Variants in GTF2H5 observed in about 807,000 individuals in gnomAD.
GTF2H5 encodes the protein general transcription factor IIH subunit 5, also known as TFB5 ortholog.
GTF2H5 carries 5 observed loss-of-function variants against 7.1 expected under a neutral mutation model. The ratio of observed to expected loss-of-function variants is 0.71; its 90% confidence interval spans 0.37 to 1.49. The LOEUF (loss-of-function observed/expected upper bound fraction) is 1.49. GTF2H5 is among the 40% of genes most tolerant of loss of function. The pLI is 0.03. For missense variants in GTF2H5, 80 were observed against 83.0 expected (o/e 0.96, Z 0.14); for synonymous variants, 30 against 31.7 (o/e 0.95, Z 0.18).
At chr6:158,182,165 T>G (rs576758699) in intron 2 of GTF2H5, among the ~76,000 whole-genome samples, 2 of 152,244 alleles carry the variant, frequency 1.3e-5, no homozygotes, top group South Asian at 4.1e-4. Context: ...AAATTCTGGG[T>G]TGAAAATTCT....
In GTF2H5 at chr6:158,197,265, A is replaced by G; in HGVS notation, c.*5108A>G. The G allele has an allele frequency of 5.4e-6, 1 of 186,248 alleles. No individual in the cohort carries two copies. Among genetic ancestry groups the G allele is most frequent in the Non-Finnish European group, 1.2e-5 (1 of 80,236 alleles). 11.5% of individuals were successfully genotyped at this position (186,248 alleles called of 1,614,324 possible). ...CAACCCACTAACACACATTTAAATA[A>G]GATACCCAAATGCAGAAAGAAAAGC... On this transcript the variant is annotated 3_prime_UTR_variant, in exon 3 of 3. Transcript: ENST00000607778.
At chr6:158,185,076 C>T (rs894461357) in intron 2 of GTF2H5, among the ~76,000 whole-genome samples, 3 of 150,384 alleles carry the variant, frequency 2.0e-5, no homozygotes, top group African/African-American at 4.9e-5. Context: ...AGTGGAATGG[C>T]TCTGTGTTCA....
intron 1 of GTF2H5, among the ~76,000 whole-genome samples, chr6:158,169,380 A>ATG (rs1554266905): frequency 4.2e-4 from 40 of 94,918 alleles, no homozygotes; most frequent in African/African-American, 1.9e-3. Flanking sequence ...TATGTATATT[A>ATG]TATATTATAT....
rs149496723 is a variant in GTF2H5 at position 158,182,886 on chromosome 6, C to T, written c.36-9091C>T. Among the ~76,000 whole-genome samples, 3 of 152,228 alleles carry T rather than the reference C, an allele frequency of 2.0e-5. No homozygotes were observed. In the East Asian group the frequency reaches 5.8e-4, roughly 29 times the overall value. On this transcript the variant is annotated intron_variant, in intron 2 of 2. Coordinates refer to ENST00000607778, the MANE Select transcript of GTF2H5 (RefSeq NM_207118.3). Reference sequence around the variant, plus strand: ...CTGAAGCCAACTTCTGTCATCTCGTCAAACTCATTCTCCATCCAGTTTTCT... The same window carrying T: ...CTGAAGCCAACTTCTGTCATCTCGTTAAACTCATTCTCCATCCAGTTTTCT...
intron 1 of GTF2H5, among the ~76,000 whole-genome samples, chr6:158,169,686 A>ATATATATTATATAATATACTGTATAT (rs1785787627): frequency 6.7e-5 from 2 of 29,760 alleles, no homozygotes. Flanking sequence ...ATAATATATA[A>ATATATATTATATAATATACTGTATAT]TATATATTAT....
intron 2 of GTF2H5, among the ~76,000 whole-genome samples, chr6:158,171,060 G>A (rs1263691946): frequency 6.6e-6 from 1 of 152,136 alleles, no homozygotes; most frequent in African/African-American, 2.4e-5. Flanking sequence ...TCTACTTTCG[G>A]TGCCTCTAAT....
intron 2 of GTF2H5, among the ~76,000 whole-genome samples, chr6:158,187,832 C>T (rs1776955525): frequency 6.6e-6 from 1 of 152,164 alleles, no homozygotes; most frequent in African/African-American, 2.4e-5. Flanking sequence ...TCCCAAAGTG[C>T]TGGGATTACA....
At chr6:158,175,046 A>ATATGTGTGTGTGTGTGTG (rs1350204806) in intron 2 of GTF2H5, among the ~76,000 whole-genome samples, 1 of 41,708 alleles carries the variant, frequency 2.4e-5, no homozygotes, top group African/African-American at 1.0e-4. Context: ...GTGTGTGTGT[A>ATATGTGTGTGTGTGTGTG]TACACACACA....
chr6:158,170,212 GC>G (rs2128428737), intron 1 of GTF2H5, among the ~76,000 whole-genome samples: 1 of 152,212 alleles, frequency 6.6e-6, no homozygotes, highest in Admixed American at 6.5e-5. Flanking sequence ...GTAGAGTTAG[GC>G]CTCTTGCTTC....
At position 158,194,517 on chromosome 6, in the gene GTF2H5, G is replaced by C. The variant is rs1777078575; in HGVS notation, c.*2360G>C. ...AATCTATCATAAGATGTCAGGTGTG[G>C]GGGCTCTGCCAGACACAAACTCAAG... On this transcript the variant is annotated 3_prime_UTR_variant, in exon 3 of 3. Transcript: ENST00000607778. 1 of 152,200 alleles carries C rather than the reference G, an allele frequency of 6.6e-6. No individual in the cohort carries two copies. Among genetic ancestry groups the C allele is most frequent in the African/African-American group, 2.4e-5 (1 of 41,440 alleles). 9.4% of individuals were successfully genotyped at this position (152,200 alleles called of 1,614,324 possible).
rs77403441 is a variant in GTF2H5, at chr6:158,174,015, G to A, written c.35+3477G>A. 3.9e-4 allele frequency among the ~76,000 whole-genome samples: 59 copies of A among 152,256 alleles called. 1 individual carries two copies. In the East Asian group the frequency reaches 0.01, roughly 26 times the overall value. ...GGTGCTGGTGGGGGTGGTTTTTAGCGTGCGCATGCATTATGATTTGTGTAT... is the reference window on the plus strand; with the variant it reads ...GGTGCTGGTGGGGGTGGTTTTTAGCATGCGCATGCATTATGATTTGTGTAT... On this transcript the variant is annotated intron_variant, in intron 2 of 2. Coordinates refer to ENST00000607778, the MANE Select transcript of GTF2H5 (RefSeq NM_207118.3).
Position 158,169,636 on chromosome 6 carries a change from TAC to T in GTF2H5, c.-34-832_-34-831del, listed in dbSNP as rs373305038. Among the ~76,000 whole-genome samples the T allele has an allele frequency of 2.2e-3, 104 of 47,876 alleles. 10 individuals carry two copies. Among genetic ancestry groups the T allele is most frequent in the Middle Eastern group, 0.01 (1 of 96 alleles). 31.4% of individuals were successfully genotyped at this position (47,876 alleles called of 152,430 possible). A position where few individuals can be genotyped will look rare whatever the true frequency, so the allele number is the denominator to read the frequency against. On this transcript the variant is annotated intron_variant, in intron 1 of 2. Transcript: ENST00000607778. The stretch of plus-strand genomic sequence containing the variant: ...ATATTACATATAATATATTGTATAT[TAC>T]ATATATTGTATATTACATATAATAT...
chr6:158,175,319 C>T (rs1309442063), intron 2 of GTF2H5, among the ~76,000 whole-genome samples: 1 of 152,182 alleles, frequency 6.6e-6, no homozygotes, highest in African/African-American at 2.4e-5. Flanking sequence ...AATGAGGAGG[C>T]TGTTGTCTTC....
At chr6:158,190,574 A>G (rs1330809942) in intron 2 of GTF2H5, 1 of 402,748 alleles carries the variant, frequency 2.5e-6, no homozygotes, top group Non-Finnish European at 4.8e-6. Context: ...GTCACTTGGT[A>G]AAACCCAAAG....
chr6:158,177,899 C>T (rs958781381), intron 2 of GTF2H5, among the ~76,000 whole-genome samples: 2 of 152,310 alleles, frequency 1.3e-5, no homozygotes, highest in South Asian at 2.1e-4. Context: ...AGGACATGAA[C>T]TCATCCTTTT....
rs1776962742 is a variant in GTF2H5 at position 158,188,268 on chromosome 6, CT to C, written c.36-3708del. 3.9e-5 allele frequency among the ~76,000 whole-genome samples: 6 copies of C among 152,312 alleles called. 1 individual carries two copies. In the South Asian group the frequency reaches 1.2e-3, roughly 32 times the overall value. On this transcript the variant is annotated intron_variant, in intron 2 of 2. Coordinates refer to ENST00000607778, the MANE Select transcript of GTF2H5 (RefSeq NM_207118.3). ...CCTCCCCAGCCATCATACCTGTCTA[CT>C]GTTGAATTACTCTCCTTTTATTCTC...
chr6:158,190,408 T>G (rs1025927219), intron 2 of GTF2H5, among the ~76,000 whole-genome samples: 3 of 152,186 alleles, frequency 2.0e-5, no homozygotes, highest in African/African-American at 7.2e-5. Context: ...ACCTCCACTA[T>G]TACCACCTAC....
intron 1 of GTF2H5, among the ~76,000 whole-genome samples, chr6:158,168,993 G>A (rs1785692652): frequency 6.6e-6 from 1 of 151,996 alleles, no homozygotes; most frequent in African/African-American, 2.4e-5. Context: ...CAGCACTTTG[G>A]GAGGCCGAGG....
At chr6:158,181,386 T>C (rs1384563310) in intron 2 of GTF2H5, among the ~76,000 whole-genome samples, 1 of 152,186 alleles carries the variant, frequency 6.6e-6, no homozygotes, top group Admixed American at 6.5e-5. Context: ...GTCTGTTAGG[T>C]CCACTTGGTC....
Sources: allele counts gnomAD v4.1 joint callset (sites outside exome capture counted in the v4.1 genomes callset), GRCh38; gene constraint gnomAD v4.1.1; transcripts MANE v1.5; gene names NCBI Gene and HGNC (gene_info 2026-07-23, HGNC 2026-07-21).